The following GRID2 variants were observed in gnomAD, a reference collection of about 807,000 sequenced individuals.
GRID2 encodes the protein glutamate ionotropic receptor delta type subunit 2, also known as glutamate receptor ionotropic, delta-2.
Under a neutral mutation model 114.8 loss-of-function variants are expected in GRID2, and 33 were observed. The observed-to-expected ratio is 0.29, with a 90% confidence interval of 0.22 to 0.38. The LOEUF (loss-of-function observed/expected upper bound fraction) is 0.38, where lower values mean the gene tolerates loss of function less well. Among genes scored for constraint, GRID2 ranks in the 10% least tolerant of loss-of-function variants. GRID2 has a pLI of 1.00. For synonymous variants in GRID2, 505 were observed against 449.9 expected (o/e 1.12, Z -1.55); for missense variants, 1,184 against 1,257.7 (o/e 0.94, Z 0.89).
Position 93,643,848 on chromosome 4 carries a change from G to A in GRID2, c.2360+17413G>A, listed in dbSNP as rs1239545760. On this transcript the variant is annotated intron_variant, in intron 14 of 15. Coordinates refer to ENST00000282020, the MANE Select transcript of GRID2 (RefSeq NM_001510.4). ...AGCTGTGGTGGGCTCCACCCAGTTC[G>A]AGCTTCCAGGCTGCTTTGTTTACCT... Among the ~76,000 whole-genome samples the A allele has an allele frequency of 1.2e-4, 10 of 81,964 alleles. 3 individuals are homozygous for A. The highest frequency in any genetic ancestry group is 8.0e-4 in the African/African-American group (10 of 12,488). The allele number at this position is 81,964 out of a possible 152,430, so 53.8% of individuals were successfully genotyped here. A position where few individuals can be genotyped will look rare whatever the true frequency, so the allele number is the denominator to read the frequency against.
chr4:93,531,171 AAGAC>A (rs1418341616), intron 13 of GRID2, among the ~76,000 whole-genome samples: 8 of 152,096 alleles, frequency 5.3e-5, no homozygotes, highest in African/African-American at 1.9e-4. Context: ...TAAGGCAGGA[AAGAC>A]AGAGTAAGAC....
At chr4:93,035,091 C>T (rs1346558943) in intron 2 of GRID2, among the ~76,000 whole-genome samples, 1 of 149,708 alleles carries the variant, frequency 6.7e-6, no homozygotes, top group Non-Finnish European at 1.5e-5. Flanking sequence ...TCTTTTAATC[C>T]CTATCACTGT....
At chr4:93,416,704 C>T (rs1423142507) in intron 9 of GRID2, among the ~76,000 whole-genome samples, 1 of 152,044 alleles carries the variant, frequency 6.6e-6, no homozygotes, top group Admixed American at 6.6e-5. Context: ...CTGCAAGTTG[C>T]AAACAGTGTT....
chr4:93,514,721 A>G (rs1441331497), intron 12 of GRID2, among the ~76,000 whole-genome samples: 2 of 152,174 alleles, frequency 1.3e-5, no homozygotes, highest in Non-Finnish European at 2.9e-5. Flanking sequence ...TCAATAAATA[A>G]TGACTATCAT....
At chr4:93,483,462 A>G (rs2149449511) in intron 11 of GRID2, among the ~76,000 whole-genome samples, 1 of 152,086 alleles carries the variant, frequency 6.6e-6, no homozygotes, top group East Asian at 1.9e-4. Flanking sequence ...TTAAACCTAT[A>G]AGAAGTGGAT....
rs1440934732 is a variant in GRID2 at position 92,343,668 on chromosome 4, G to A, written c.88+38924G>A. On this transcript the variant is annotated intron_variant, in intron 1 of 15. Transcript: ENST00000282020. ...GGCTCACTGGAACCTCTGCCTCCGA[G>A]GTTCAAGCAATTCTCCTGCCTCATC... Among the ~76,000 whole-genome samples, 3 of 152,190 alleles carry A rather than the reference G, an allele frequency of 2.0e-5. No individual in the cohort carries two copies. In the East Asian group the frequency reaches 5.8e-4, roughly 29 times the overall value.
chr4:92,437,521 G>C (rs879877988), intron 1 of GRID2, among the ~76,000 whole-genome samples: 2 of 152,172 alleles, frequency 1.3e-5, no homozygotes, highest in Non-Finnish European at 2.9e-5. Flanking sequence ...TGCCTGCCTT[G>C]GCCTTCCAAA....
chr4:92,432,643 G>A (rs529506683), intron 1 of GRID2, among the ~76,000 whole-genome samples: 1 of 152,200 alleles, frequency 6.6e-6, no homozygotes, highest in South Asian at 2.1e-4. Flanking sequence ...TCACTGAAGT[G>A]GGCTCCCCTG....
chr4:92,339,955 C>T (rs1353673853), intron 1 of GRID2, among the ~76,000 whole-genome samples: 1 of 152,110 alleles, frequency 6.6e-6, no homozygotes, highest in African/African-American at 2.4e-5. Context: ...AAACACATAA[C>T]TGAGCTTAGC....
intron 8 of GRID2, among the ~76,000 whole-genome samples, chr4:93,378,088 G>C (rs1428752438): frequency 6.6e-6 from 1 of 152,054 alleles, no homozygotes; most frequent in Non-Finnish European, 1.5e-5. Context: ...GGTGTGTCAT[G>C]AGCCCTCCAA....
At chr4:92,305,752 C>G (rs774115468) in intron 1 of GRID2, among the ~76,000 whole-genome samples, 19 of 152,178 alleles carry the variant, frequency 1.2e-4, no homozygotes, top group Non-Finnish European at 2.6e-4. Flanking sequence ...GCTTCAGGCT[C>G]CAACTCTACT....
At chr4:93,537,325 C>T (rs1578212706) in intron 13 of GRID2, among the ~76,000 whole-genome samples, 1 of 151,634 alleles carries the variant, frequency 6.6e-6, no homozygotes, top group East Asian at 1.9e-4. Flanking sequence ...TTGAATTAAG[C>T]AGGTTTTTGA....
At chr4:92,920,209 C>T (rs547612334) in intron 2 of GRID2, among the ~76,000 whole-genome samples, 1 of 152,214 alleles carries the variant, frequency 6.6e-6, no homozygotes, top group African/African-American at 2.4e-5. Context: ...GGTAGATCTT[C>T]CTCCATCCCT....
intron 2 of GRID2, among the ~76,000 whole-genome samples, chr4:92,600,040 GTGTGTATATATATA>G (rs1464100816): frequency 8.5e-5 from 6 of 70,724 alleles, no homozygotes; most frequent in African/African-American, 2.3e-4. Context: ...GTGTGTGTGT[GTGTGTATATATATA>G]TATATATATA....
chr4:93,412,644 A>G (rs1421283103), intron 9 of GRID2, among the ~76,000 whole-genome samples: 1 of 151,948 alleles, frequency 6.6e-6, no homozygotes, highest in Non-Finnish European at 1.5e-5. Flanking sequence ...GGTTTGTTAC[A>G]TAGGTATACA....
chr4:93,132,259 T>C (rs2149376678), intron 4 of GRID2, among the ~76,000 whole-genome samples: 1 of 152,314 alleles, frequency 6.6e-6, no homozygotes, highest in Non-Finnish European at 1.5e-5. Flanking sequence ...AATTTGGCAC[T>C]CAATACCTAC....
At chr4:93,418,080 C>T (rs913830984) in intron 9 of GRID2, among the ~76,000 whole-genome samples, 3 of 151,078 alleles carry the variant, frequency 2.0e-5, no homozygotes, top group South Asian at 4.2e-4. Flanking sequence ...CTGTATGCTA[C>T]TAGACAAGTC....
chr4:92,419,109 G>A (rs1731764044), intron 1 of GRID2, among the ~76,000 whole-genome samples: 1 of 152,056 alleles, frequency 6.6e-6, no homozygotes, highest in Non-Finnish European at 1.5e-5. Context: ...TTGTTAAAAT[G>A]TAGACAAGTT....
intron 8 of GRID2, among the ~76,000 whole-genome samples, chr4:93,243,354 A>G (rs1747766598): frequency 6.6e-6 from 1 of 152,154 alleles, no homozygotes; most frequent in Admixed American, 6.6e-5. Context: ...TACTTATGAA[A>G]GGAAAATAAC....
Sources: gnomAD v4.1 joint callset for allele counts (sites outside exome capture counted in the v4.1 genomes callset) on GRCh38, gnomAD v4.1.1 for gene constraint, MANE v1.5 for transcripts, NCBI Gene and HGNC (gene_info 2026-07-23, HGNC 2026-07-21) for gene names.